STON2: variants seen among roughly 807,000 people sequenced by gnomAD.
STON2 encodes stonin-2.
STON2 carries 29 observed loss-of-function variants against 65.7 expected under a neutral mutation model. The ratio of observed to expected loss-of-function variants is 0.44; its 90% CI spans 0.33 to 0.60. The LOEUF (loss-of-function observed/expected upper bound fraction) is 0.60, where lower values mean the gene tolerates loss of function less well. STON2 is among the 20% of genes least tolerant of loss of function. STON2 has a pLI of 0.03. For synonymous variants in STON2, 404 were observed against 414.2 expected (o/e 0.98, Z 0.30); for missense variants, 1,054 against 1,118.1 (o/e 0.94, Z 0.82).
intron 5 of STON2, among the ~76,000 whole-genome samples, chr14:81,295,726 G>A (rs1370218003): frequency 6.6e-6 from 1 of 152,176 alleles, no homozygotes; most frequent in African/African-American, 2.4e-5. Flanking sequence ...ATTCACATAT[G>A]AATTCATTTC....
At chr14:81,292,157 T>C (rs950233064) in intron 5 of STON2, among the ~76,000 whole-genome samples, 16 of 152,330 alleles carry the variant, frequency 1.1e-4, no homozygotes, top group African/African-American at 3.8e-4. Context: ...ATCCCTTCTT[T>C]ATTTCTAGAA....
intron 3 of STON2, among the ~76,000 whole-genome samples, chr14:81,377,408 T>G (rs1899304562): frequency 6.6e-6 from 1 of 152,224 alleles, no homozygotes; most frequent in Admixed American, 6.5e-5. Context: ...GTTTCCTTCT[T>G]TCTCCATCAA....
At chr14:81,270,526 C>T (rs761029961) in intron 7 of STON2, 144 bp downstream of exon 7, 1 of 1,558,092 alleles carries the variant, frequency 6.4e-7, no homozygotes, top group Non-Finnish European at 8.7e-7. Flanking sequence ...GACGCACCCA[C>T]AGCTATGTAT....
At chr14:81,426,427 C>A (rs1055410478) in intron 2 of STON2, among the ~76,000 whole-genome samples, 4 of 151,912 alleles carry the variant, frequency 2.6e-5, no homozygotes, top group African/African-American at 9.7e-5. Context: ...CTGTTAAATA[C>A]CTTCATTCCT....
At chr14:81,367,564 T>C (rs1364039023) in intron 4 of STON2, among the ~76,000 whole-genome samples, 1 of 152,226 alleles carries the variant, frequency 6.6e-6, no homozygotes, top group African/African-American at 2.4e-5. Context: ...TCCTAAACTT[T>C]GTCTTTCCTT....
At chr14:81,422,620 T>G (rs1422610904) in intron 2 of STON2, among the ~76,000 whole-genome samples, 1 of 152,096 alleles carries the variant, frequency 6.6e-6, no homozygotes, top group African/African-American at 2.4e-5. Context: ...ATAGGAGGCA[T>G]TAGGACAGAG....
In STON2 at chr14:81,306,153, A is replaced by ATC. The variant is rs141736505; in HGVS notation, c.742+17862_742+17863dup. On this transcript the variant is annotated intron_variant, in intron 5 of 7. Coordinates refer to ENST00000614646, the MANE Select transcript of STON2 (RefSeq NM_001394390.1). The stretch of plus-strand genomic sequence containing the variant: ...CAAAGAATCCTATTGATTCTTTTAA[A>ATC]TCTCTCTCTCTCTCTATATATATAT... Among the ~76,000 whole-genome samples, 441 of 129,842 alleles carry ATC rather than the reference A, an allele frequency of 3.4e-3. 3 individuals are homozygous for ATC. The highest frequency in any genetic ancestry group is 8.2e-3 in the African/African-American group (277 of 33,728). 85.2% of individuals were successfully genotyped at this position (129,842 alleles called of 152,430 possible).
intron 4 of STON2, among the ~76,000 whole-genome samples, chr14:81,358,615 T>TA (rs111950464): frequency 0.014 from 2,197 of 152,086 alleles, 33 homozygotes; most frequent in South Asian, 0.049. Flanking sequence ...ACTGCATGGA[T>TA]AAAAAAACAA....
In STON2 at chr14:81,263,960, G is replaced by A; in HGVS notation, c.*4454C>T. On this transcript the variant is annotated 3_prime_UTR_variant, in exon 8 of 8. Transcript: ENST00000614646. Reference sequence around the variant, plus strand: ...TACTATCTCAGACCTCCATCTTACTGTGGTGACAAAATAAATGCAAAGTAA... The same window carrying A: ...TACTATCTCAGACCTCCATCTTACTATGGTGACAAAATAAATGCAAAGTAA... 4 of 985,384 alleles carry A rather than the reference G, an allele frequency of 4.1e-6. No individual in the cohort carries two copies. The highest frequency in any genetic ancestry group is 4.8e-6 in the Non-Finnish European group (4 of 829,924). The allele number at this position is 985,384 out of a possible 1,614,324, so 61.0% of individuals were successfully genotyped here.
At chr14:81,390,240 G>A (rs1026197515) in intron 3 of STON2, among the ~76,000 whole-genome samples, 2 of 151,944 alleles carry the variant, frequency 1.3e-5, no homozygotes, top group African/African-American at 4.8e-5. Flanking sequence ...ACAAGTAGTG[G>A]TTGAAAGACA....
intron 2 of STON2, 36 bp from the exon 3 acceptor site, chr14:81,396,214 A>G: frequency 6.4e-7 from 1 of 1,559,838 alleles, no homozygotes; most frequent in Non-Finnish European, 8.7e-7. Flanking sequence ...TCATGTGAGG[A>G]AGGCCGCTCT....
chr14:81,294,688 G>C (rs1228283197), intron 5 of STON2, among the ~76,000 whole-genome samples: 1 of 152,124 alleles, frequency 6.6e-6, no homozygotes, highest in Non-Finnish European at 1.5e-5. Context: ...AGAGACATCT[G>C]GAATTGTGGG....
intron 4 of STON2, among the ~76,000 whole-genome samples, chr14:81,340,128 T>C (rs886436434): frequency 5.3e-5 from 8 of 152,340 alleles, no homozygotes; most frequent in African/African-American, 1.9e-4. Flanking sequence ...CACTCCAGCC[T>C]GGGCGACAGA....
At chr14:81,435,913 G>T (rs976087777) in intron 1 of STON2, among the ~76,000 whole-genome samples, 1 of 152,128 alleles carries the variant, frequency 6.6e-6, no homozygotes, top group African/African-American at 2.4e-5. Context: ...GCCAACCCGG[G>T]GTTTCAGGCG....
intron 1 of STON2, among the ~76,000 whole-genome samples, chr14:81,429,577 G>C (rs925417508): frequency 7.2e-5 from 11 of 152,172 alleles, no homozygotes; most frequent in African/African-American, 2.7e-4. Flanking sequence ...AGATTAAACA[G>C]TGCTTTTGAT....
At chr14:81,367,137 T>C (rs370864079) in intron 4 of STON2, among the ~76,000 whole-genome samples, 30 of 152,120 alleles carry the variant, frequency 2.0e-4, no homozygotes, top group African/African-American at 7.0e-4. Flanking sequence ...TGTGTACAGA[T>C]ATCCTTGAAG....
At chr14:81,308,824 A>G (rs867466352) in intron 5 of STON2, among the ~76,000 whole-genome samples, 58 of 10,422 alleles carry the variant, frequency 5.6e-3, no homozygotes, top group African/African-American at 7.3e-3. Context: ...ATATATATAT[A>G]TGTGTGTGTG....
intron 5 of STON2, among the ~76,000 whole-genome samples, chr14:81,298,641 G>C (rs1895859124): frequency 6.6e-6 from 1 of 152,138 alleles, no homozygotes; most frequent in Admixed American, 6.6e-5. Flanking sequence ...ATGTTGAACA[G>C]AACCATGCTA....
Position 81,262,762 on chromosome 14 carries a change from G to T in STON2, c.*5652C>A, listed in dbSNP as rs1398324245. 1.0e-6 allele frequency: 1 copy of T among 985,328 alleles called. No homozygotes were observed. Among genetic ancestry groups the T allele is most frequent in the Non-Finnish European group, 1.2e-6 (1 of 829,888 alleles). 61.0% of individuals were successfully genotyped at this position (985,328 alleles called of 1,614,324 possible). A position where few individuals can be genotyped will look rare whatever the true frequency, so the allele number is the denominator to read the frequency against. ...CCAGCAGATTTGCTAAGGCACACTA[G>T]AAGAAATGTAAAAATCTCACATTCT... On this transcript the variant is annotated 3_prime_UTR_variant, in exon 8 of 8. Transcript: ENST00000614646.
Sources: allele counts gnomAD v4.1 joint callset (sites outside exome capture counted in the v4.1 genomes callset), GRCh38; gene constraint gnomAD v4.1.1; transcripts MANE v1.5; gene names NCBI Gene and HGNC (gene_info 2026-07-23, HGNC 2026-07-21).